PHACTR2: variants seen among roughly 807,000 people sequenced by gnomAD.
PHACTR2 encodes the protein chromosome 6 open reading frame 56.
PHACTR2 carries 30 observed loss-of-function variants against 76.0 expected under a neutral mutation model. That is an observed-to-expected ratio of 0.39 (90% CI 0.30 to 0.54). The LOEUF is 0.54. PHACTR2 is among the 20% of genes least tolerant of loss of function. The probability of loss-of-function intolerance (pLI) is 0.61; values close to 1 mark genes in which losing one functional copy is unlikely to be tolerated. For synonymous variants in PHACTR2, 292 were observed against 292.5 expected (o/e 1.00, Z 0.02); for missense variants, 696 against 781.1 (o/e 0.89, Z 1.30).
intron 1 of PHACTR2, among the ~76,000 whole-genome samples, chr6:143,699,249 C>T (rs1777843559): frequency 6.6e-6 from 1 of 152,176 alleles, no homozygotes; most frequent in Non-Finnish European, 1.5e-5. Context: ...GTCTGACATC[C>T]TGGCTGGTGC....
intron 1 of PHACTR2, among the ~76,000 whole-genome samples, chr6:143,588,248 T>C (rs981022896): frequency 1.3e-5 from 2 of 152,168 alleles, no homozygotes; most frequent in South Asian, 2.1e-4. Flanking sequence ...CTCCAGTATG[T>C]TGTCAATAGA....
Position 143,765,615 on chromosome 6 carries a change from CT to C in PHACTR2, c.1050del (p.Leu351SerfsTer29), listed in dbSNP as rs1489359433. 9 of 1,614,028 alleles carry C rather than the reference CT, an allele frequency of 5.6e-6. No homozygotes were observed. The highest frequency in any genetic ancestry group is 2.2e-5 in the East Asian group (1 of 44,880). On this transcript the variant is annotated frameshift_variant, in exon 6 of 13. Coordinates refer to ENST00000440869, the MANE Select transcript of PHACTR2 (RefSeq NM_001100164.2). LOFTEE classifies it high-confidence loss of function. This position sits in a 1 kb window ranked among gnomAD's most constrained non-coding sequence, Gnocchi z 4.1. ...VAPAPSPLAP[P>X]LPLEDQCITA... ...CCAGCACCTTCTCCTCTGGCCCCCC[CT>C]CTCCCTCTTGAGGATCAGTGCATTA...
chr6:143,540,927 T>G (rs1308653475), intron 1 of PHACTR2, among the ~76,000 whole-genome samples: 1 of 152,222 alleles, frequency 6.6e-6, no homozygotes, highest in Non-Finnish European at 1.5e-5. Flanking sequence ...TTATTTTTCT[T>G]TTTTTGAGAT....
intron 1 of PHACTR2, among the ~76,000 whole-genome samples, chr6:143,685,821 TATA>T (rs1406674218): frequency 1.3e-5 from 2 of 151,894 alleles, no homozygotes; most frequent in Non-Finnish European, 2.9e-5. Flanking sequence ...AGTTTGGCAA[TATA>T]TATTAAGTCA....
Position 143,678,202 on chromosome 6 carries a change from C to A in PHACTR2, c.39C>A (p.Pro13=). Residue 13 remains proline (P), a synonymous_variant, in exon 1 of 13, where the codon CCC becomes CCA. Transcript: ENST00000440869. The surrounding 1 kb of genome is among the most constrained non-coding windows in gnomAD (Gnocchi z 6.2). The part of the protein sequence containing the change: ...QTSVSTLSPQ[P]GSVDGLDKAS... ...CGGTGTCCACGCTGTCCCCGCAGCC[C>A]GGCAGCGGTGAGTCCGGGGCGCACG... 1 of 1,535,504 alleles carries A rather than the reference C, an allele frequency of 6.5e-7. No homozygotes were observed. Among genetic ancestry groups the A allele is most frequent in the South Asian group, 1.2e-5 (1 of 83,316 alleles).
chr6:143,717,282 G>A (rs1778324555), intron 2 of PHACTR2, among the ~76,000 whole-genome samples: 2 of 152,114 alleles, frequency 1.3e-5, no homozygotes, highest in African/African-American at 4.8e-5. Context: ...TCTTCCTCCT[G>A]CAGATATTCT....
At chr6:143,756,909 T>A (rs933859748) in intron 4 of PHACTR2, among the ~76,000 whole-genome samples, 1 of 151,978 alleles carries the variant, frequency 6.6e-6, no homozygotes, top group African/African-American at 2.4e-5. Context: ...TAGCTGGGTG[T>A]GGTGGTGGGC....
rs1291102426 is a variant in PHACTR2 at position 143,710,648 on chromosome 6, G to A, written c.47-1368G>A. ...GGAGGCGGTGGTTGCAGTGAGCTGAGATCGCGCCACTGCACTCCAGCCTGG... is the reference window on the plus strand; with the variant it reads ...GGAGGCGGTGGTTGCAGTGAGCTGAAATCGCGCCACTGCACTCCAGCCTGG... On this transcript the variant is annotated intron_variant, in intron 1 of 12. Coordinates refer to ENST00000440869, the MANE Select transcript of PHACTR2 (RefSeq NM_001100164.2). The surrounding 1 kb of genome is among the most constrained non-coding windows in gnomAD (Gnocchi z 4.9). Among the ~76,000 whole-genome samples the A allele has an allele frequency of 6.6e-6, 1 of 152,128 alleles. No individual in the cohort carries two copies. Among genetic ancestry groups the A allele is most frequent in the African/African-American group, 2.4e-5 (1 of 41,422 alleles).
chr6:143,782,923 T>TGG lies in PHACTR2; in HGVS notation c.1646-295_1646-294dup, dbSNP rs1255685968. 1.3e-4 allele frequency among the ~76,000 whole-genome samples: 20 copies of TGG among 152,154 alleles called. No individual in the cohort carries two copies. The East Asian group carries it at 2.3e-3, about 18-fold the overall frequency. ...TTTCATTAGAATATGGGCACTCCTG[T>TGG]GGTTTTTTTAAGAATACAACAAGAC... On this transcript the variant is annotated intron_variant, in intron 9 of 12. Transcript: ENST00000440869. This position sits in a 1 kb window ranked among gnomAD's most constrained non-coding sequence, Gnocchi z 4.6.
intron 6 of PHACTR2, among the ~76,000 whole-genome samples, chr6:143,768,210 C>G (rs1280424344): frequency 6.6e-6 from 1 of 152,192 alleles, no homozygotes; most frequent in Admixed American, 6.6e-5. Context: ...TTCCAGCACA[C>G]AGCAAATGTC....
rs369079255 is a variant in PHACTR2 at position 143,765,685 on chromosome 6, C to T, written c.1119C>T (p.Asp373=). The T allele has an allele frequency of 1.2e-6, 2 of 1,614,078 alleles. No homozygotes were observed. The highest frequency in any genetic ancestry group is 1.7e-6 in the Non-Finnish European group (2 of 1,180,038). The change falls in exon 6 of 13, where the codon GAC becomes GAT. Residue 373 remains aspartate, a synonymous_variant. Coordinates refer to ENST00000440869, the MANE Select transcript of PHACTR2 (RefSeq NM_001100164.2). This position sits in a 1 kb window ranked among gnomAD's most constrained non-coding sequence, Gnocchi z 4.1. ...TPVVLVSVGA[D]LPVSALDPSQ... is the part of the protein sequence containing the mutation. ...TTGTCCTCGTCAGCGTTGGAGCTGA[C>T]CTGCCCGTCTCTGCCTTAGACCCAA...
At chr6:143,737,076 G>A (rs992617857) in intron 2 of PHACTR2, among the ~76,000 whole-genome samples, 17 of 151,644 alleles carry the variant, frequency 1.1e-4, no homozygotes, top group Admixed American at 8.5e-4. Flanking sequence ...CTATTATATA[G>A]AGTCTATTAT....
intron 1 of PHACTR2, among the ~76,000 whole-genome samples, chr6:143,555,789 G>A (rs2128428117): frequency 6.6e-6 from 1 of 152,128 alleles, no homozygotes; most frequent in Middle Eastern, 3.4e-3. Flanking sequence ...TTGGTGAAAT[G>A]TTGACGCTAC....
rs1221102878 is a variant in PHACTR2, at chr6:143,553,429, G to A, written c.217+16222G>A. ...AAATATCATACAAACCAGGAAGAGGGGAGTTGGTGCATGTAAACCCAGCTG... is the reference window on the plus strand; with the variant it reads ...AAATATCATACAAACCAGGAAGAGGAGAGTTGGTGCATGTAAACCCAGCTG... On this transcript the variant is annotated intron_variant, in intron 1 of 11. Coordinates refer to the PHACTR2 transcript ENST00000367584. The surrounding 1 kb of genome is among the most constrained non-coding windows in gnomAD (Gnocchi z 4.2). Among the ~76,000 whole-genome samples the A allele has an allele frequency of 1.3e-5, 2 of 152,198 alleles. No homozygotes were observed. The highest frequency in any genetic ancestry group is 2.4e-5 in the African/African-American group (1 of 41,452).
rs1212996438 is a variant in PHACTR2 at position 143,816,236 on chromosome 6, C to T, written c.1923-7438C>T. On this transcript the variant is annotated intron_variant, in intron 12 of 12. Transcript: ENST00000440869. The surrounding 1 kb of genome is among the most constrained non-coding windows in gnomAD (Gnocchi z 4.5). The stretch of plus-strand genomic sequence containing the variant: ...ACTGTCATGCTGTCACATAGACAAA[C>T]TTCTCAAGACGTAAAGCTGAACTTC... Among the ~76,000 whole-genome samples, 1 of 152,110 alleles carries T rather than the reference C, an allele frequency of 6.6e-6. No homozygotes were observed. Among genetic ancestry groups the T allele is most frequent in the Non-Finnish European group, 1.5e-5 (1 of 68,020 alleles).
rs1348359361 is a variant in PHACTR2 at position 143,828,267 on chromosome 6, C to T, written c.*4578C>T. On this transcript the variant is annotated 3_prime_UTR_variant, in exon 13 of 13. Transcript: ENST00000440869. The surrounding 1 kb of genome is among the most constrained non-coding windows in gnomAD (Gnocchi z 4.7). ...CATCTTTCTAGAGAAAGTACATGCC[C>T]AGTTAGTTCAAACCCAGGTTTCAAA... is the stretch of plus-strand genomic sequence containing the variant. 6.6e-6 allele frequency: 1 copy of T among 152,148 alleles called. No homozygotes were observed. The highest frequency in any genetic ancestry group is 1.5e-5 in the Non-Finnish European group (1 of 68,030). 9.4% of individuals were successfully genotyped at this position (152,148 alleles called of 1,614,324 possible).
In PHACTR2 at chr6:143,760,312, C is replaced by A; in HGVS notation, c.455-89C>A. ...GATTCTCAAGTACCAAGCAGACACG[C>A]TTTGTGTCACTATCGTCATGTCTTG... is the stretch of plus-strand genomic sequence containing the variant. On this transcript the variant is annotated intron_variant, in intron 4 of 12. Transcript: ENST00000440869. The surrounding 1 kb of genome is among the most constrained non-coding windows in gnomAD (Gnocchi z 6.4). The A allele has an allele frequency of 8.4e-7, 1 of 1,192,188 alleles. No homozygotes were observed. Among genetic ancestry groups the A allele is most frequent in the South Asian group, 1.4e-5 (1 of 69,496 alleles). 73.9% of individuals were successfully genotyped at this position (1,192,188 alleles called of 1,614,324 possible).
In PHACTR2 at chr6:143,580,750, T is replaced by C. The variant is rs1241074339; in HGVS notation, c.217+43543T>C. On this transcript the variant is annotated intron_variant, in intron 1 of 11. Coordinates refer to the PHACTR2 transcript ENST00000367584. This position sits in a 1 kb window ranked among gnomAD's most constrained non-coding sequence, Gnocchi z 4.2. ...TCCTGGCCTCCATAGTGTGGGTGGC[T>C]GAAGGAACGTGAAGATAAATGTCTC... 6.6e-6 allele frequency among the ~76,000 whole-genome samples: 1 copy of C among 152,112 alleles called. No individual in the cohort carries two copies. The highest frequency in any genetic ancestry group is 1.9e-4 in the East Asian group (1 of 5,182).
At chr6:143,745,744 C>CAG (rs1423085825) in intron 2 of PHACTR2, among the ~76,000 whole-genome samples, 4 of 152,268 alleles carry the variant, frequency 2.6e-5, no homozygotes, top group African/African-American at 9.6e-5. Context: ...TGGCCCTGTA[C>CAG]AGAGGTATCC....
Sources: allele counts gnomAD v4.1 joint callset (sites outside exome capture counted in the v4.1 genomes callset), GRCh38; gene constraint gnomAD v4.1.1; non-coding constraint Gnocchi (gnomAD v3.1); transcripts MANE v1.5; gene names NCBI Gene and HGNC (gene_info 2026-07-23, HGNC 2026-07-21).